KNDC1: variants seen among roughly 807,000 people sequenced by gnomAD.
KNDC1 encodes the protein kinase non-catalytic C-lobe domain-containing protein 1.
In KNDC1, 106 loss-of-function variants were observed where a neutral mutation model predicts 172.8. The ratio of observed to expected loss-of-function variants is 0.61; its 90% CI spans 0.52 to 0.72. The LOEUF (loss-of-function observed/expected upper bound fraction) is 0.72. Ranked by LOEUF, KNDC1 falls within the 30% of genes least tolerant of loss-of-function variation. The probability of loss-of-function intolerance (pLI) is 0.00; values close to 1 mark genes in which losing one functional copy is unlikely to be tolerated. For missense variants in KNDC1, 2,325 were observed against 2,394.5 expected (o/e 0.97, Z 0.61); for synonymous variants, 1,083 against 1,062.2 (o/e 1.02, Z -0.38).
At chr10:133,197,915 C>T in intron 12 of KNDC1, 147 bp downstream of exon 12, 1 of 699,986 alleles carries the variant, frequency 1.4e-6, no homozygotes, top group South Asian at 1.5e-5. Flanking sequence ...GCCCATGCAG[C>T]CCAGCCTGCC....
chr10:133,177,395 T>C (rs1217292143), intron 3 of KNDC1, among the ~76,000 whole-genome samples: 2 of 152,072 alleles, frequency 1.3e-5, no homozygotes, highest in African/African-American at 2.4e-5. Context: ...CAGTATGGTG[T>C]GTGGTGTGTT....
At position 133,199,126 on chromosome 10, in the gene KNDC1, G is replaced by C; in HGVS notation, c.2618G>C (p.Arg873Thr). 6.2e-7 allele frequency: 1 copy of C among 1,606,622 alleles called. No homozygotes were observed. The highest frequency in any genetic ancestry group is 8.5e-7 in the Non-Finnish European group (1 of 1,177,534). The change falls in exon 14 of 30, where the codon AGG becomes ACG. Residue 873 changes from arginine to threonine, a missense_variant. Physicochemically the swap from Arg to Thr is moderately conservative, Grantham distance 71 (BLOSUM62 -1). Transcript: ENST00000304613. ...VPERPRPADR[R>T]LCLPCVDASP... The stretch of plus-strand genomic sequence containing the variant: ...GAGAGGCCGCGGCCCGCAGACCGGA[G>C]GCTCTGTCTGCCCTGCGTGGATGCC...
rs368983036 is a variant in KNDC1 at position 133,213,665 on chromosome 10, C to T, written c.4464C>T (p.His1488=). 6 of 1,613,990 alleles carry T rather than the reference C, an allele frequency of 3.7e-6. No homozygotes were observed. Among genetic ancestry groups the T allele is most frequent in the African/African-American group, 1.3e-5 (1 of 74,926 alleles). ...GGCAGGAGTTGTTTCAAAAGTGCCA[C>T]CCGGTCCACTTCCTGAACTCACGGG... is the stretch of plus-strand genomic sequence containing the variant. The part of the protein sequence containing the change: ...LLQQELFQKC[H]PVHFLNSRAL... Residue 1488 remains histidine (H), a synonymous_variant, in exon 25 of 30, where the codon CAC becomes CAT. Coordinates refer to ENST00000304613, the MANE Select transcript of KNDC1 (RefSeq NM_152643.8).
At position 133,195,698 on chromosome 10, in the gene KNDC1, C is replaced by T. The variant is rs374542390; in HGVS notation, c.1611C>T (p.Thr537=). ...ACTGTGTGGCCGCCGTTCTGTGGAC[C>T]GCAGCCAAGTTCAGCGTCCCCCGCA... ...SVYCVAAVLW[T]AAKFSVPRNH... The change falls in exon 10 of 30, where the codon ACC becomes ACT. Residue 537 remains threonine, a synonymous_variant. Coordinates refer to ENST00000304613, the MANE Select transcript of KNDC1 (RefSeq NM_152643.8). 10 of 1,612,488 alleles carry T rather than the reference C, an allele frequency of 6.2e-6. No individual in the cohort carries two copies. The highest frequency in any genetic ancestry group is 4.5e-5 in the East Asian group (2 of 44,836).
In KNDC1 at chr10:133,198,229, G is replaced by A. The variant is rs879032355; in HGVS notation, c.1907-108G>A. 49 of 1,294,290 alleles carry A rather than the reference G, an allele frequency of 3.8e-5. 1 individual carries two copies. In the South Asian group the frequency reaches 4.2e-4, roughly 11 times the overall value. 80.2% of individuals were successfully genotyped at this position (1,294,290 alleles called of 1,614,324 possible). ...CCCCCAGGGCCATGCGGGAGGGGAC[G>A]CGGCACCACGCACTGGGTGGGATGA... is the stretch of plus-strand genomic sequence containing the variant. On this transcript the variant is annotated intron_variant, in intron 12 of 29. Transcript: ENST00000304613.
At chr10:133,181,860 A>ACACACACACACACACACACACACC (rs150407512) in intron 3 of KNDC1, among the ~76,000 whole-genome samples, 1 of 148,848 alleles carries the variant, frequency 6.7e-6, no homozygotes, top group African/African-American at 2.4e-5. Flanking sequence ...ACACACACAC[A>ACACACACACACACACACACACACC]CCAGACTGTG....
intron 10 of KNDC1, among the ~76,000 whole-genome samples, chr10:133,196,479 G>A (rs1484227115): frequency 6.6e-6 from 1 of 152,044 alleles, no homozygotes; most frequent in Admixed American, 6.5e-5. Context: ...GTGTCTGGGG[G>A]AGCGGAGACG....
At chr10:133,196,808 G>T (rs922931258) in intron 10 of KNDC1, among the ~76,000 whole-genome samples, 2 of 152,190 alleles carry the variant, frequency 1.3e-5, no homozygotes, top group Non-Finnish European at 2.9e-5. Flanking sequence ...AGGCTACCAG[G>T]TCTGTGGCCA....
intron 3 of KNDC1, among the ~76,000 whole-genome samples, chr10:133,169,267 C>T (rs1427452670): frequency 6.6e-6 from 1 of 152,132 alleles, no homozygotes; most frequent in Non-Finnish European, 1.5e-5. Flanking sequence ...TCAAGACCAG[C>T]CTGGCCAACA....
Position 133,183,381 on chromosome 10 carries a change from C to A in KNDC1, c.398C>A (p.Ala133Asp). The A allele has an allele frequency of 6.3e-7, 1 of 1,596,944 alleles. No homozygotes were observed. Among genetic ancestry groups the A allele is most frequent in the Non-Finnish European group, 8.5e-7 (1 of 1,173,684 alleles). The change falls in exon 4 of 30, where the codon GCC (alanine) becomes GAC (aspartate). Residue 133 changes from alanine (A) to aspartate (D), a missense_variant. Physicochemically the swap from Ala to Asp is moderately radical, Grantham distance 126. Transcript: ENST00000304613. The stretch of plus-strand genomic sequence containing the variant: ...TCTCTGGGGGCCACGCTGAAGGCCG[C>A]CCTCGAGTACGTGGCAGAGCCCACA... ...IYSLGATLKA[A>D]LEYVAEPTLE...
Position 133,206,268 on chromosome 10 carries a change from G to A in KNDC1, c.3388-417G>A, listed in dbSNP as rs1442546526. On this transcript the variant is annotated intron_variant, in intron 17 of 29. Coordinates refer to ENST00000304613, the MANE Select transcript of KNDC1 (RefSeq NM_152643.8). ...ACACCTGAAGACACACGGGATGCAC[G>A]TTGGGGAGGTCCCGCTGCCACCCCC... Among the ~76,000 whole-genome samples, 3 of 152,248 alleles carry A rather than the reference G, an allele frequency of 2.0e-5. No individual in the cohort carries two copies. The South Asian group carries it at 6.2e-4, about 32-fold the overall frequency.
At chr10:133,179,490 G>A (rs1853653571) in intron 3 of KNDC1, 1 of 152,266 alleles carries the variant, frequency 6.6e-6, no homozygotes, top group African/African-American at 2.4e-5. Flanking sequence ...CTCCAGCAGA[G>A]CAGAGGAGGG....
At chr10:133,179,653 T>G (rs955224959) in intron 3 of KNDC1, among the ~76,000 whole-genome samples, 12 of 152,022 alleles carry the variant, frequency 7.9e-5, no homozygotes, top group Admixed American at 7.9e-4. Flanking sequence ...GTGGGGAAGT[T>G]TTCACGTCCA....
At chr10:133,201,417 C>A in intron 16 of KNDC1, 84 bp from the exon 17 acceptor site, 1 of 1,413,584 alleles carries the variant, frequency 7.1e-7, no homozygotes, top group Non-Finnish European at 9.6e-7. Context: ...GGTGTGCAAG[C>A]ACCACCGGCC....
In KNDC1 at chr10:133,194,179, A is replaced by G. The variant is rs1410578407; in HGVS notation, c.1576-1484A>G. Among the ~76,000 whole-genome samples, 3 of 152,370 alleles carry G rather than the reference A, an allele frequency of 2.0e-5. No individual in the cohort carries two copies. The East Asian group carries it at 5.8e-4, about 29-fold the overall frequency. On this transcript the variant is annotated intron_variant, in intron 9 of 29. Coordinates refer to ENST00000304613, the MANE Select transcript of KNDC1 (RefSeq NM_152643.8). ...AAGCTAGACCAAATCCTGAGCCATA[A>G]CGCAAACCTCAACAAATTTAAAAGA...
In KNDC1 at chr10:133,207,288, G is replaced by C. The variant is rs751646373; in HGVS notation, c.3731G>C (p.Arg1244Pro). The change falls in exon 20 of 30, where the codon CGG (arginine) becomes CCG (proline). Residue 1244 changes from arginine to proline, a missense_variant. Arg to Pro is a moderately radical substitution (Grantham distance 103). Transcript: ENST00000304613. ...AACGTCAACAAGCACCCGGGCGGCC[G>C]GCAGAAGGCCCGCATCCTGCAGGCC... ...FYNVNKHPGG[R>P]QKARILQAGT... The C allele has an allele frequency of 1.2e-6, 2 of 1,612,898 alleles. No homozygotes were observed. Among genetic ancestry groups the C allele is most frequent in the South Asian group, 1.1e-5 (1 of 91,092 alleles).
Position 133,183,883 on chromosome 10 carries a change from G to A in KNDC1, c.519G>A (p.Ala173=), listed in dbSNP as rs1853799278. ...GTTCCCGTCCCCAGAGCATCATCGC[G>A]CTGTGTGAAGAGAAGCTGCAGCTCA... ...GDRPDLESII[A]LCEEKLQLTS... Residue 173 remains alanine (A), a synonymous_variant, in exon 5 of 30, where the codon GCG becomes GCA. Transcript: ENST00000304613. 11 of 1,591,772 alleles carry A rather than the reference G, an allele frequency of 6.9e-6. No homozygotes were observed. The highest frequency in any genetic ancestry group is 4.5e-5 in the East Asian group (2 of 44,254).
At position 133,160,262 on chromosome 10, in the gene KNDC1, G is replaced by GCGCAGCCCCCGCGCACCC. The variant is rs1554907572; in HGVS notation, c.-202_-185dup. 1.2e-3 allele frequency among the ~76,000 whole-genome samples: 173 copies of GCGCAGCCCCCGCGCACCC among 146,104 alleles called. 2 individuals carry two copies. The highest frequency in any genetic ancestry group is 3.9e-3 in the African/African-American group (159 of 40,378). On this transcript the variant is annotated 5_prime_UTR_variant, in exon 1 of 30. Transcript: ENST00000304613. ...CTAGGCGCCGGGTCCGGACAGCGCC[G>GCGCAGCCCCCGCGCACCC]CGCAGCCCCCGCGCACCCCGCGCCC... is the stretch of plus-strand genomic sequence containing the variant.
rs757555712 is a variant in KNDC1 at position 133,196,736 on chromosome 10, C to G, written c.1735-322C>G. 9.2e-5 allele frequency among the ~76,000 whole-genome samples: 14 copies of G among 152,098 alleles called. No homozygotes were observed. In the East Asian group the frequency reaches 2.7e-3, roughly 29 times the overall value. ...CTTATAAAGGGAGGACAGGAGTGGCCGGGGGCAGGGAGCGTGGGGCTCAGG... is the reference window on the plus strand; with the variant it reads ...CTTATAAAGGGAGGACAGGAGTGGCGGGGGGCAGGGAGCGTGGGGCTCAGG... On this transcript the variant is annotated intron_variant, in intron 10 of 29. Transcript: ENST00000304613.
Sources: allele counts gnomAD v4.1 joint callset (sites outside exome capture counted in the v4.1 genomes callset), GRCh38; gene constraint gnomAD v4.1.1; transcripts MANE v1.5; gene names NCBI Gene and HGNC (gene_info 2026-07-23, HGNC 2026-07-21).